PLCE1: variants seen among roughly 807,000 people sequenced by gnomAD.
PLCE1 encodes 1-phosphatidylinositol 4,5-bisphosphate phosphodiesterase epsilon-1.
PLCE1 carries 119 observed loss-of-function variants against 242.8 expected under a neutral mutation model. That is an observed-to-expected ratio of 0.49 (90% CI 0.42 to 0.57). The LOEUF (loss-of-function observed/expected upper bound fraction) is 0.57, where lower values mean the gene tolerates loss of function less well. Among genes scored for constraint, PLCE1 ranks in the 20% least tolerant of loss-of-function variants. The pLI is 0.00. For synonymous variants in PLCE1, 945 were observed against 1,017.4 expected, an observed-to-expected ratio of 0.93 and a Z score of 1.35; for missense variants, 2,441 against 2,788.8, an observed-to-expected ratio of 0.88 and a Z score of 2.81.
chr10:94,315,429 C>T (rs755597061), intron 28 of PLCE1: 15 of 456,100 alleles, frequency 3.3e-5, no homozygotes, highest in South Asian at 2.3e-4. Flanking sequence ...CTGCAACTGA[C>T]CTTTACTCCC....
chr10:94,191,414 G>C (rs552040915), intron 4 of PLCE1, among the ~76,000 whole-genome samples: 45 of 152,308 alleles, frequency 3.0e-4, no homozygotes, highest in African/African-American at 1.0e-3. Flanking sequence ...GGCCAAGGCA[G>C]GAGGATCACT....
chr10:94,202,950 A>G (rs549172379), intron 4 of PLCE1, among the ~76,000 whole-genome samples: 4 of 152,334 alleles, frequency 2.6e-5, no homozygotes, highest in Non-Finnish European at 5.9e-5. Context: ...GTTACATAAA[A>G]TAGTTATTGT....
intron 2 of PLCE1, among the ~76,000 whole-genome samples, chr10:94,101,729 C>T (rs2045544623): frequency 6.6e-6 from 1 of 152,184 alleles, no homozygotes; most frequent in Non-Finnish European, 1.5e-5. Context: ...GAGGGGCTGG[C>T]TTGCCTTTGG....
At chr10:94,110,709 G>GT (rs1393491802) in intron 2 of PLCE1, among the ~76,000 whole-genome samples, 1 of 152,178 alleles carries the variant, frequency 6.6e-6, no homozygotes, top group East Asian at 1.9e-4. Context: ...TTATTTTCCA[G>GT]TTTTTCTGTA....
At chr10:94,295,330 T>C (rs1410345489) in intron 23 of PLCE1, among the ~76,000 whole-genome samples, 1 of 152,200 alleles carries the variant, frequency 6.6e-6, no homozygotes, top group Non-Finnish European at 1.5e-5. Context: ...GTTCACAGGA[T>C]CTTCGCCAAG....
intron 2 of PLCE1, among the ~76,000 whole-genome samples, chr10:94,114,981 T>C (rs1331531985): frequency 6.6e-6 from 1 of 151,558 alleles, no homozygotes; most frequent in Non-Finnish European, 1.5e-5. Flanking sequence ...AGTGTTCTCA[T>C]TGTTCAATTC....
intron 4 of PLCE1, among the ~76,000 whole-genome samples, chr10:94,193,783 G>A (rs910969961): frequency 1.3e-5 from 2 of 152,132 alleles, no homozygotes; most frequent in Non-Finnish European, 2.9e-5. Flanking sequence ...TAACAACTTT[G>A]TCAAATCCCT....
chr10:94,110,223 C>T (rs982595950), intron 2 of PLCE1, among the ~76,000 whole-genome samples: 2 of 151,780 alleles, frequency 1.3e-5, no homozygotes, highest in South Asian at 4.2e-4. Context: ...CCACCACGCC[C>T]AGCTAATTTT....
At chr10:94,325,658 C>A (rs1244980019) in intron 32 of PLCE1, 2 of 151,736 alleles carry the variant, frequency 1.3e-5, no homozygotes, top group African/African-American at 4.8e-5. Flanking sequence ...AATTTTAGAC[C>A]CCTTATTTAT....
chr10:94,127,778 C>T (rs756766564), intron 2 of PLCE1, among the ~76,000 whole-genome samples: 21 of 152,106 alleles, frequency 1.4e-4, no homozygotes, highest in East Asian at 1.4e-3. Flanking sequence ...CCTATATTGG[C>T]GAAAAGGAAA....
At chr10:94,208,016 G>T (rs1325066110) in intron 4 of PLCE1, among the ~76,000 whole-genome samples, 1 of 152,182 alleles carries the variant, frequency 6.6e-6, no homozygotes, top group Non-Finnish European at 1.5e-5. Flanking sequence ...ATCACCATTT[G>T]GTAGCTGTCA....
At chr10:94,289,009 G>A (rs554894030) in intron 22 of PLCE1, among the ~76,000 whole-genome samples, 2 of 152,220 alleles carry the variant, frequency 1.3e-5, no homozygotes, top group African/African-American at 4.8e-5. Context: ...TGGCTGTTCT[G>A]GGTTACTCAG....
intron 4 of PLCE1, among the ~76,000 whole-genome samples, chr10:94,172,008 C>A (rs1179537897): frequency 6.6e-6 from 1 of 152,216 alleles, no homozygotes; most frequent in Non-Finnish European, 1.5e-5. Flanking sequence ...TCGGTTCTCT[C>A]TCTGCATCCC....
chr10:94,102,416 A>G (rs891397940), intron 2 of PLCE1, among the ~76,000 whole-genome samples: 10 of 152,250 alleles, frequency 6.6e-5, no homozygotes, highest in African/African-American at 2.2e-4. Context: ...CATAAGCAAC[A>G]TTGAGTATTA....
intron 2 of PLCE1, among the ~76,000 whole-genome samples, chr10:94,040,885 A>G (rs1191284576): frequency 6.6e-6 from 1 of 152,202 alleles, no homozygotes. Context: ...TTGAAATTGT[A>G]TTGCTCATTA....
In PLCE1 at chr10:94,081,574, C is replaced by T. The variant is rs912638016; in HGVS notation, c.1206+49322C>T. Among the ~76,000 whole-genome samples, 3 of 152,200 alleles carry T rather than the reference C, an allele frequency of 2.0e-5. No individual in the cohort carries two copies. The South Asian group carries it at 6.2e-4, about 32-fold the overall frequency. On this transcript the variant is annotated intron_variant, in intron 2 of 32. Coordinates refer to ENST00000371380, the MANE Select transcript of PLCE1 (RefSeq NM_016341.4). ...TATTTCTTCCTTTGCTATCTTTATA[C>T]CACTGGCTTGTTTTTCATGTCTTAT...
At chr10:94,075,561 G>A (rs2044475412) in intron 2 of PLCE1, among the ~76,000 whole-genome samples, 1 of 152,218 alleles carries the variant, frequency 6.6e-6, no homozygotes, top group Non-Finnish European at 1.5e-5. Context: ...CAGTAAAAGT[G>A]ACATTGGGTG....
intron 2 of PLCE1, among the ~76,000 whole-genome samples, chr10:94,046,302 C>T (rs955399955): frequency 6.6e-6 from 1 of 152,146 alleles, no homozygotes; most frequent in Non-Finnish European, 1.5e-5. Flanking sequence ...GGATATTTCC[C>T]GTTGTTCTTT....
intron 18 of PLCE1, among the ~76,000 whole-genome samples, chr10:94,271,603 C>T (rs765402960): frequency 8.6e-5 from 13 of 151,898 alleles, no homozygotes; most frequent in Non-Finnish European, 1.5e-4. Flanking sequence ...CGTGAGGCAC[C>T]GCACCCAGCC....
Sources: gnomAD v4.1 joint callset for allele counts (sites outside exome capture counted in the v4.1 genomes callset) on GRCh38, gnomAD v4.1.1 for gene constraint, MANE v1.5 for transcripts, NCBI Gene and HGNC (gene_info 2026-07-23, HGNC 2026-07-21) for gene names.